The following PTPRO variants were observed in gnomAD, a reference collection of about 807,000 sequenced individuals.
PTPRO encodes receptor-type tyrosine-protein phosphatase O.
A neutral mutation model predicts 145.2 loss-of-function variants in PTPRO; 62 were observed. The observed-to-expected ratio is 0.43, with a 90% CI of 0.35 to 0.53. The LOEUF is 0.53. PTPRO is among the 20% of genes least tolerant of loss of function. The pLI is 0.01. For missense variants in PTPRO, 1,345 were observed against 1,482.7 expected, an observed-to-expected ratio of 0.91 and a Z score of 1.53; for synonymous variants, 565 against 514.7, an observed-to-expected ratio of 1.10 and a Z score of -1.32.
chr12:15,460,896 A>C (rs1323808917), intron 1 of PTPRO, among the ~76,000 whole-genome samples: 3 of 152,182 alleles, frequency 2.0e-5, no homozygotes, highest in Non-Finnish European at 4.4e-5. Context: ...TTTCTTTAAT[A>C]GATCTCTCCT....
intron 1 of PTPRO, chr12:15,440,346 A>C: frequency 2.3e-6 from 1 of 443,890 alleles, no homozygotes; most frequent in Non-Finnish European, 4.1e-6. Context: ...CACTTCTTCA[A>C]GACCCACACC....
chr12:15,526,362 A>G (rs1942838119), intron 12 of PTPRO, 100 bp downstream of exon 12: 1 of 1,507,432 alleles, frequency 6.6e-7, no homozygotes, highest in Non-Finnish European at 9.1e-7. Flanking sequence ...TAACAGAAAA[A>G]TGGCTAATTT....
chr12:15,514,451 CAAA>C (rs71438353), intron 7 of PTPRO, among the ~76,000 whole-genome samples: 3 of 68,936 alleles, frequency 4.4e-5, no homozygotes, highest in Non-Finnish European at 5.7e-5. Flanking sequence ...GACTCTGTCT[CAAA>C]AAAAAAAAAA....
chr12:15,477,637 G>A (rs1462944390), intron 1 of PTPRO, among the ~76,000 whole-genome samples: 3 of 152,062 alleles, frequency 2.0e-5, no homozygotes, highest in African/African-American at 7.2e-5. Flanking sequence ...CATTAAGGAG[G>A]AGCAGGAGTT....
intron 1 of PTPRO, among the ~76,000 whole-genome samples, chr12:15,476,217 GA>G (rs1279193867): frequency 6.6e-6 from 1 of 152,092 alleles, no homozygotes; most frequent in Non-Finnish European, 1.5e-5. Context: ...TCCTTAAGAG[GA>G]AGGGAAGATG....
At chr12:15,534,643 A>G (rs1943030989) in intron 12 of PTPRO, among the ~76,000 whole-genome samples, 1 of 152,228 alleles carries the variant, frequency 6.6e-6, no homozygotes, top group Non-Finnish European at 1.5e-5. Flanking sequence ...AACCAGCCAC[A>G]AAAAGGCCAA....
At chr12:15,582,922 A>G (rs986264804) in intron 23 of PTPRO, among the ~76,000 whole-genome samples, 6 of 152,232 alleles carry the variant, frequency 3.9e-5, no homozygotes, top group Non-Finnish European at 7.3e-5. Context: ...TGACAGGCTT[A>G]GGTGTTAACA....
At position 15,501,389 on chromosome 12, in the gene PTPRO, T is replaced by A. The variant is rs556617133; in HGVS notation, c.662-231T>A. On this transcript the variant is annotated intron_variant, in intron 4 of 26. Transcript: ENST00000281171. ...AAGCATAATATTGTAAGTTAATATA[T>A]TTGAAGTGTGACTAGTGGTATGTTG... 3.9e-5 allele frequency among the ~76,000 whole-genome samples: 6 copies of A among 152,286 alleles called. 1 individual carries two copies. Among genetic ancestry groups the A allele is most frequent in the Non-Finnish European group, 7.3e-5 (5 of 68,030 alleles).
chr12:15,598,110 C>G lies in PTPRO; in HGVS notation c.*2037C>G, dbSNP rs1944694262. Among the ~76,000 whole-genome samples the G allele has an allele frequency of 6.6e-6, 1 of 152,132 alleles. No individual in the cohort carries two copies. Among genetic ancestry groups the G allele is most frequent in the Admixed American group, 6.5e-5 (1 of 15,276 alleles). ...AGGTAGGGATCAAATAGTGCCAGAT[C>G]AATTTTCCCAAAAGGAAAGAGGAAG... On this transcript the variant is annotated 3_prime_UTR_variant, in exon 27 of 27. Transcript: ENST00000281171.
At chr12:15,470,118 T>G (rs1198372438) in intron 1 of PTPRO, among the ~76,000 whole-genome samples, 4 of 152,234 alleles carry the variant, frequency 2.6e-5, no homozygotes, top group African/African-American at 9.6e-5. Context: ...ATCAGGCATA[T>G]TCTAGAAGAA....
chr12:15,409,775 C>T (rs1939745016), intron 1 of PTPRO, among the ~76,000 whole-genome samples: 1 of 152,182 alleles, frequency 6.6e-6, no homozygotes, highest in Non-Finnish European at 1.5e-5. Context: ...GACCAGATCT[C>T]ACAAGAACTC....
rs187231395 is a variant in PTPRO, at chr12:15,403,716, G to T, written c.76-80258G>T. Among the ~76,000 whole-genome samples, 14 of 152,190 alleles carry T rather than the reference G, an allele frequency of 9.2e-5. No individual in the cohort carries two copies. The East Asian group carries it at 2.5e-3, about 27-fold the overall frequency. Reference sequence around the variant, plus strand: ...TGCCCTACAATCACTTCTTACCAGTGTCCCTTGTTCATTTCCTTCATGGTA... The same window carrying T: ...TGCCCTACAATCACTTCTTACCAGTTTCCCTTGTTCATTTCCTTCATGGTA... On this transcript the variant is annotated intron_variant, in intron 1 of 26. Transcript: ENST00000281171.
intron 19 of PTPRO, among the ~76,000 whole-genome samples, chr12:15,575,387 G>C (rs1015709918): frequency 6.6e-6 from 1 of 152,118 alleles, no homozygotes; most frequent in Non-Finnish European, 1.5e-5. Flanking sequence ...TTTCTCCAAG[G>C]ACCCCCTCCC....
chr12:15,556,744 C>A (rs1289002232), intron 15 of PTPRO, among the ~76,000 whole-genome samples: 1 of 152,100 alleles, frequency 6.6e-6, no homozygotes, highest in African/African-American at 2.4e-5. Context: ...CAAAACCCTA[C>A]AAAGAATTTT....
chr12:15,581,847 T>C (rs1229465642), intron 23 of PTPRO, 46 bp downstream of exon 23: 1 of 1,612,410 alleles, frequency 6.2e-7, no homozygotes, highest in Non-Finnish European at 8.5e-7. Context: ...TGCTGACACC[T>C]GCTGAGACCA....
At chr12:15,439,545 G>T in intron 1 of PTPRO, 1 of 247,340 alleles carries the variant, frequency 4.0e-6, no homozygotes, top group South Asian at 4.8e-5. Context: ...TGACGCTGGT[G>T]GAGCGAGGGG....
At chr12:15,483,203 A>G (rs1941816133) in intron 1 of PTPRO, among the ~76,000 whole-genome samples, 1 of 152,170 alleles carries the variant, frequency 6.6e-6, no homozygotes, top group Admixed American at 6.6e-5. Context: ...GTTTGAGACC[A>G]GAAAGAAAGA....
At chr12:15,376,388 A>ATTTTCAG (rs1938688260) in intron 1 of PTPRO, among the ~76,000 whole-genome samples, 1 of 152,184 alleles carries the variant, frequency 6.6e-6, no homozygotes, top group Non-Finnish European at 1.5e-5. Flanking sequence ...AGATTGAGAT[A>ATTTTCAG]TTTTCAGGTA....
chr12:15,437,276 G>T (rs1940623982), intron 1 of PTPRO, among the ~76,000 whole-genome samples: 1 of 151,572 alleles, frequency 6.6e-6, no homozygotes, highest in Admixed American at 6.6e-5. Flanking sequence ...GGCATTCAGA[G>T]CGCCTGCTTG....
Sources: allele counts gnomAD v4.1 joint callset (sites outside exome capture counted in the v4.1 genomes callset), GRCh38; gene constraint gnomAD v4.1.1; transcripts MANE v1.5; gene names NCBI Gene and HGNC (gene_info 2026-07-23, HGNC 2026-07-21).